The following THPO variants were observed in gnomAD, a reference collection of about 807,000 sequenced individuals.
The protein encoded by THPO is thrombopoietin.
A neutral mutation model predicts 17.0 loss-of-function variants in THPO; 12 were observed. The ratio of observed to expected loss-of-function variants is 0.71; its 90% confidence interval spans 0.45 to 1.14. THPO has a LOEUF of 1.14. Ranked by LOEUF, THPO falls within the 50% of genes most tolerant of loss-of-function variation. THPO has a pLI of 0.00. For synonymous variants in THPO, 188 were observed against 183.0 expected, an observed-to-expected ratio of 1.03 and a Z score of -0.22; for missense variants, 365 against 427.5, an observed-to-expected ratio of 0.85 and a Z score of 1.29.
rs1004917742 is a variant in THPO at position 184,376,456 on chromosome 3, G to T, written c.-145-52C>A. On this transcript the variant is annotated intron_variant, in intron 1 of 5. Coordinates refer to ENST00000647395, the MANE Select transcript of THPO (RefSeq NM_000460.4). ...TTAACCAAGTTTCTAGGAAGAGACT[G>T]CCTGGCAGGGTGAACAGATGCTGGG... 9.6e-6 allele frequency: 14 copies of T among 1,459,882 alleles called. No individual in the cohort carries two copies. The South Asian group carries it at 1.6e-4, about 17-fold the overall frequency. The allele number at this position is 1,459,882 out of a possible 1,614,324, so 90.4% of individuals were successfully genotyped here. A position where few individuals can be genotyped will look rare whatever the true frequency, so the allele number is the denominator to read the frequency against.
intron 2 of THPO, 79 bp downstream of exon 2, chr3:184,376,168 C>G: frequency 6.2e-7 from 1 of 1,613,026 alleles, no homozygotes; most frequent in Admixed American, 1.7e-5. Context: ...CAGCTTCCTG[C>G]CCCCTGCAGC....
In THPO at chr3:184,372,595, G is replaced by A. The variant is rs60207161; in HGVS notation, c.980C>T (p.Pro327Leu). 1 of 1,614,086 alleles carries A rather than the reference G, an allele frequency of 6.2e-7. No homozygotes were observed. The highest frequency in any genetic ancestry group is 8.5e-7 in the Non-Finnish European group (1 of 1,179,998). Residue 327 changes from proline (P) to leucine (L), a missense_variant, in exon 6 of 6, where the codon CCT (proline) becomes CTT (leucine). Pro to Leu is a moderately conservative substitution (Grantham distance 98, BLOSUM62 -3). Transcript: ENST00000647395. ...GGTAGGGGTGGGCGTTGGAGCAGAA[G>A]GGTCAGGAAGCAGGGGGTGGAGCTG... The part of the protein sequence containing the change: ...VVQLHPLLPD[P>L]SAPTPTPTSP...
At chr3:184,377,082 T>C (rs1426255579) in intron 1 of THPO, among the ~76,000 whole-genome samples, 1 of 152,024 alleles carries the variant, frequency 6.6e-6, no homozygotes, top group Admixed American at 6.5e-5. Flanking sequence ...GTATTGTGGC[T>C]TCAGCCTGGA....
Position 184,372,675 on chromosome 3 carries a change from A to AG in THPO, c.899dup (p.Thr301TyrfsTer26). On this transcript the variant is annotated frameshift_variant, in exon 6 of 6. Coordinates refer to ENST00000647395, the MANE Select transcript of THPO (RefSeq NM_000460.4). LOFTEE classifies it low-confidence loss of function (END_TRUNC). ...GAGGGAAGAGCGTATACTGTCCAGT[A>AG]GGAGGATGGGTTGGGGAAGGAGAAT... The AG allele has an allele frequency of 6.2e-7, 1 of 1,612,994 alleles. No individual in the cohort carries two copies. The highest frequency in any genetic ancestry group is 8.5e-7 in the Non-Finnish European group (1 of 1,179,156).
At chr3:184,377,976 G>C (rs1040299824) in intron 1 of THPO, 99 bp downstream of exon 1, 11 of 871,652 alleles carry the variant, frequency 1.3e-5, no homozygotes, top group Admixed American at 1.2e-4. Flanking sequence ...GTCAGTGCCT[G>C]TAGGTTCCAG....
chr3:184,379,526 G>A (rs1026160004), upstream of THPO, among the ~76,000 whole-genome samples: 2 of 152,148 alleles, frequency 1.3e-5, no homozygotes, highest in African/African-American at 4.8e-5. Flanking sequence ...GCTAGGCAGT[G>A]AGAGAGGGTG....
intron 4 of THPO, among the ~76,000 whole-genome samples, chr3:184,373,995 A>G (rs1714181319): frequency 6.6e-6 from 1 of 152,216 alleles, no homozygotes; most frequent in Non-Finnish European, 1.5e-5. Flanking sequence ...TGGGAGGCTG[A>G]GGCAGGTGGA....
At position 184,375,963 on chromosome 3, in the gene THPO, G is replaced by A; in HGVS notation, c.66C>T (p.Ser22=). 6.2e-7 allele frequency: 1 copy of A among 1,613,984 alleles called. No individual in the cohort carries two copies. Among genetic ancestry groups the A allele is most frequent in the African/African-American group, 1.3e-5 (1 of 75,028 alleles). ...GGAGGTCACAAGCAGGAGGAGCCGGGCTGGACAGCGTTAGCCTTGCAGTTA... is the reference window on the plus strand; with the variant it reads ...GGAGGTCACAAGCAGGAGGAGCCGGACTGGACAGCGTTAGCCTTGCAGTTA... ...LLLTARLTLS[S]PAPPACDLRV... Residue 22 remains serine, a synonymous_variant, in exon 3 of 6, where the codon AGC becomes AGT. Transcript: ENST00000647395.
chr3:184,378,865 G>A (rs546300768), upstream of THPO: 24 of 985,262 alleles, frequency 2.4e-5, no homozygotes, highest in African/African-American at 1.7e-4. Context: ...ATCTCCTACC[G>A]TTCCACATGT....
Position 184,373,063 on chromosome 3 carries a change from A to C in THPO, c.512T>G (p.Leu171Arg). 6.2e-7 allele frequency: 1 copy of C among 1,613,996 alleles called. No individual in the cohort carries two copies. Among genetic ancestry groups the C allele is most frequent in the South Asian group, 1.1e-5 (1 of 91,080 alleles). Reference sequence around the variant, plus strand: ...GGTGGGTGGGGCCCGCCTGACGCAGAGGGTGGACCCTCCTACAAGCATCAG... The same window carrying C: ...GGTGGGTGGGGCCCGCCTGACGCAGCGGGTGGACCCTCCTACAAGCATCAG... The part of the protein sequence containing the change: ...RFLMLVGGST[L>R]CVRRAPPTTA... The change falls in exon 6 of 6, where the codon CTC becomes CGC. Residue 171 changes from leucine (L) to arginine (R), a missense_variant. Transcript: ENST00000647395.
chr3:184,373,622 G>C (rs779489449), intron 4 of THPO, 40 bp from the exon 5 acceptor site: 1 of 1,610,340 alleles, frequency 6.2e-7, no homozygotes. Flanking sequence ...CTGCCTCAAA[G>C]GGCACACTAA....
rs764604477 is a variant in THPO at position 184,373,082 on chromosome 3, G to A, written c.493C>T (p.Leu165Phe). Residue 165 changes from leucine to phenylalanine, a missense_variant, in exon 6 of 6, where the codon CTT (leucine) becomes TTT (phenylalanine). Coordinates refer to ENST00000647395, the MANE Select transcript of THPO (RefSeq NM_000460.4). ...ACGCAGAGGGTGGACCCTCCTACAA[G>A]CATCAGGAAACGCACCTTTCCTCGG... ...LLRGKVRFLM[L>F]VGGSTLCVRR... 6.2e-7 allele frequency: 1 copy of A among 1,613,978 alleles called. No individual in the cohort carries two copies. The highest frequency in any genetic ancestry group is 8.5e-7 in the Non-Finnish European group (1 of 1,180,022).
Position 184,373,545 on chromosome 3 carries a change from G to T in THPO, c.266C>A (p.Thr89Asn). The T allele has an allele frequency of 1.2e-6, 2 of 1,614,160 alleles. No homozygotes were observed. The highest frequency in any genetic ancestry group is 1.7e-6 in the Non-Finnish European group (2 of 1,180,034). Reference sequence around the variant, plus strand: ...TGCCATCACTCCCTCCAGCAGAAGGGTCACTGCTCCCAGAATGTCCTGTGC... The same window carrying T: ...TGCCATCACTCCCTCCAGCAGAAGGTTCACTGCTCCCAGAATGTCCTGTGC... Reference protein sequence around the residue: ...TKAQDILGAVTLLLEGVMAAR... With the variant: ...TKAQDILGAVNLLLEGVMAAR... The change falls in exon 5 of 6, where the codon ACC (threonine) becomes AAC (asparagine). Residue 89 changes from threonine (T) to asparagine (N), a missense_variant. Transcript: ENST00000647395.
At position 184,378,075 on chromosome 3, in the gene THPO, C is replaced by A. The variant is rs773436828; in HGVS notation, c.-146G>T. ...ACCCCACACCCTGCTGGCCACTCACCGGGTGGAGAAGGGCTCCAGGACCCA... is the reference window on the plus strand; with the variant it reads ...ACCCCACACCCTGCTGGCCACTCACAGGGTGGAGAAGGGCTCCAGGACCCA... On this transcript the variant is annotated splice_region_variant and 5_prime_UTR_variant, in exon 1 of 6. It introduces an in-frame stop codon into an upstream open reading frame of the 5' UTR. Coordinates refer to ENST00000647395, the MANE Select transcript of THPO (RefSeq NM_000460.4). 10 of 985,456 alleles carry A rather than the reference C, an allele frequency of 1.0e-5. No homozygotes were observed. The highest frequency in any genetic ancestry group is 1.1e-5 in the Non-Finnish European group (9 of 830,058). The allele number at this position is 985,456 out of a possible 1,614,324, so 61.0% of individuals were successfully genotyped here. A position where few individuals can be genotyped will look rare whatever the true frequency, so the allele number is the denominator to read the frequency against.
chr3:184,377,313 C>A (rs1714501461), intron 1 of THPO, among the ~76,000 whole-genome samples: 1 of 152,212 alleles, frequency 6.6e-6, no homozygotes, highest in Admixed American at 6.5e-5. Flanking sequence ...TGGAGCTTTT[C>A]TCTGGACTCC....
upstream of THPO, chr3:184,378,921 C>T: frequency 3.1e-6 from 3 of 967,160 alleles, no homozygotes; most frequent in Non-Finnish European, 3.7e-6. Context: ...TTAGGAAAGA[C>T]AGCTGCTGGA....
At chr3:184,379,547 G>T (rs954645321), upstream of THPO, among the ~76,000 whole-genome samples, 2 of 152,072 alleles carry the variant, frequency 1.3e-5, no homozygotes, top group African/African-American at 4.8e-5. Context: ...GTGAGGGTTT[G>T]GGGGGCGCTG....
In THPO at chr3:184,376,408, A is replaced by C; in HGVS notation, c.-145-4T>G. On this transcript the variant is annotated splice_region_variant and splice_polypyrimidine_tract_variant and intron_variant, in intron 1 of 5. Coordinates refer to ENST00000647395, the MANE Select transcript of THPO (RefSeq NM_000460.4). ...GGCCAAGGGTGAAGAATCTATCCTG[A>C]AAGTAGCAAGAAGAGTGAACATTTA... 1 of 1,579,994 alleles carries C rather than the reference A, an allele frequency of 6.3e-7. No homozygotes were observed. Among genetic ancestry groups the C allele is most frequent in the South Asian group, 1.1e-5 (1 of 88,218 alleles).
At position 184,375,918 on chromosome 3, in the gene THPO, A is replaced by G. The variant is rs1473061183; in HGVS notation, c.111T>C (p.Leu37=). 2 of 1,613,634 alleles carry G rather than the reference A, an allele frequency of 1.2e-6. No individual in the cohort carries two copies. Among genetic ancestry groups the G allele is most frequent in the Non-Finnish European group, 8.5e-7 (1 of 1,179,874 alleles). Residue 37 remains leucine (L), a synonymous_variant, in exon 3 of 6, where the codon CTT becomes CTC. Coordinates refer to ENST00000647395, the MANE Select transcript of THPO (RefSeq NM_000460.4). The part of the protein sequence containing the change: ...ACDLRVLSKL[L]RDSHVLHSRL... ...TGCTGTGAAGGACATGGGAGTCACG[A>G]AGCAGTTTACTGAGGACTCGGAGGT...
Sources: allele counts gnomAD v4.1 joint callset (sites outside exome capture counted in the v4.1 genomes callset), GRCh38; gene constraint gnomAD v4.1.1; transcripts MANE v1.5; gene names NCBI Gene and HGNC (gene_info 2026-07-23, HGNC 2026-07-21).